DDX25: variants seen among roughly 807,000 people sequenced by gnomAD.
DDX25 encodes ATP-dependent RNA helicase DDX25.
Under a neutral mutation model 64.6 loss-of-function variants are expected in DDX25, and 70 were observed. The observed-to-expected ratio is 1.08, with a 90% CI of 0.89 to 1.32. The LOEUF is 1.32. Ranked by LOEUF, DDX25 falls within the 40% of genes most tolerant of loss-of-function variation. The pLI is 0.00. For synonymous variants in DDX25, 211 were observed against 213.3 expected (o/e 0.99, Z 0.09); for missense variants, 587 against 604.4 (o/e 0.97, Z 0.30).
At chr11:125,909,329 A>G (rs954364149) in intron 6 of DDX25, among the ~76,000 whole-genome samples, 6 of 152,230 alleles carry the variant, frequency 3.9e-5, no homozygotes, top group Admixed American at 1.3e-4. Flanking sequence ...GATATTATCA[A>G]TAAAAATTAT....
intron 7 of DDX25, 70 bp from the exon 8 acceptor site, chr11:125,911,241 A>C (rs1157503824): frequency 7.4e-7 from 1 of 1,354,698 alleles, no homozygotes; most frequent in Non-Finnish European, 9.7e-7. Flanking sequence ...TTTATATTGC[A>C]CTGCCCTGAA....
chr11:125,904,597 C>CCG lies in DDX25; in HGVS notation c.63+17_63+18insCG, dbSNP rs1944850500. 6.9e-7 allele frequency: 1 copy of CCG among 1,455,224 alleles called. No homozygotes were observed. Among genetic ancestry groups the CCG allele is most frequent in the Non-Finnish European group, 9.1e-7 (1 of 1,104,420 alleles). 90.1% of individuals were successfully genotyped at this position (1,455,224 alleles called of 1,614,324 possible). A position where few individuals can be genotyped will look rare whatever the true frequency, so the allele number is the denominator to read the frequency against. ...AACAGCCACGTAACCGCCACCGAGC[C>CCG]GGGGGGCCACAGCCGCGGGGGTGGA... On this transcript the variant is annotated intron_variant, in intron 1 of 11. Coordinates refer to ENST00000263576, the MANE Select transcript of DDX25 (RefSeq NM_013264.5).
At chr11:125,907,419 T>A (rs566284217) in intron 4 of DDX25, among the ~76,000 whole-genome samples, 2 of 152,056 alleles carry the variant, frequency 1.3e-5, no homozygotes, top group Non-Finnish European at 2.9e-5. Flanking sequence ...CCATCCTGGC[T>A]AACACAGTGA....
At chr11:125,911,714 C>T (rs1196277582) in intron 8 of DDX25, among the ~76,000 whole-genome samples, 1 of 152,228 alleles carries the variant, frequency 6.6e-6, no homozygotes, top group Non-Finnish European at 1.5e-5. Flanking sequence ...CTTTGCAACA[C>T]AGCTTACAGA....
chr11:125,926,450 C>T lies in DDX25; in HGVS notation c.*3569C>T, dbSNP rs76235181. On this transcript the variant is annotated 3_prime_UTR_variant, in exon 12 of 12. Coordinates refer to ENST00000263576, the MANE Select transcript of DDX25 (RefSeq NM_013264.5). ...TGTTCTATGCTACAGGGAATACGAA[C>T]TTTTTGCCCTAGAAAGCATCCAAGA... 2 of 152,282 alleles carry T rather than the reference C, an allele frequency of 1.3e-5. No homozygotes were observed. The highest frequency in any genetic ancestry group is 4.8e-5 in the African/African-American group (2 of 41,540). The allele number at this position is 152,282 out of a possible 1,614,324, so 9.4% of individuals were successfully genotyped here.
At position 125,906,177 on chromosome 11, in the gene DDX25, T is replaced by C. The variant is rs911934245; in HGVS notation, c.279T>C (p.Leu93=). ...TACAGAAGGATCCCAGCTCTCCACT[T>C]TACTCAGTAAAGACATTTGAAGAGC... ...EVLQKDPSSP[L]YSVKTFEELR... The change falls in exon 4 of 12, where the codon CTT becomes CTC. Residue 93 remains leucine, a synonymous_variant. Coordinates refer to ENST00000263576, the MANE Select transcript of DDX25 (RefSeq NM_013264.5). 3 of 1,550,668 alleles carry C rather than the reference T, an allele frequency of 1.9e-6. No homozygotes were observed. The highest frequency in any genetic ancestry group is 2.7e-5 in the African/African-American group (2 of 73,118).
Position 125,923,064 on chromosome 11 carries a change from T to C in DDX25, c.*183T>C. On this transcript the variant is annotated 3_prime_UTR_variant, in exon 12 of 12. Transcript: ENST00000263576. Reference sequence around the variant, plus strand: ...TTTGAAGCCAAATTGATGTGAAGCTTGTGATCCTTTTGAATAAAAAAAAGG... The same window carrying C: ...TTTGAAGCCAAATTGATGTGAAGCTCGTGATCCTTTTGAATAAAAAAAAGG... The C allele has an allele frequency of 1.7e-6, 1 of 574,232 alleles. No individual in the cohort carries two copies. The highest frequency in any genetic ancestry group is 3.1e-6 in the Non-Finnish European group (1 of 323,506). 35.6% of individuals were successfully genotyped at this position (574,232 alleles called of 1,614,324 possible). A position where few individuals can be genotyped will look rare whatever the true frequency, so the allele number is the denominator to read the frequency against.
intron 10 of DDX25, among the ~76,000 whole-genome samples, chr11:125,920,122 G>A (rs760273746): frequency 2.0e-5 from 3 of 152,156 alleles, no homozygotes; most frequent in Non-Finnish European, 2.9e-5. Flanking sequence ...GAAGTCTTCC[G>A]AGGCAGCCTT....
At position 125,907,409 on chromosome 11, in the gene DDX25, C is replaced by G. The variant is rs376850954; in HGVS notation, c.312-787C>G. 9.2e-5 allele frequency among the ~76,000 whole-genome samples: 14 copies of G among 152,240 alleles called. No individual in the cohort carries two copies. The South Asian group carries it at 1.9e-3, about 20-fold the overall frequency. On this transcript the variant is annotated intron_variant, in intron 4 of 11. Transcript: ENST00000263576. ...GGATCACGAGGTCAGGAGATCGAGACCATCCTGGCTAACACAGTGAAACCC... is the reference window on the plus strand; with the variant it reads ...GGATCACGAGGTCAGGAGATCGAGAGCATCCTGGCTAACACAGTGAAACCC...
chr11:125,915,244 T>TA (rs1375602944), intron 8 of DDX25, among the ~76,000 whole-genome samples: 1 of 152,204 alleles, frequency 6.6e-6, no homozygotes, highest in East Asian at 1.9e-4. Flanking sequence ...TAAAACAGGT[T>TA]AAACCAGTGA....
At chr11:125,904,827 G>A (rs1330087395) in intron 1 of DDX25, 3 of 576,706 alleles carry the variant, frequency 5.2e-6, no homozygotes, top group Non-Finnish European at 9.2e-6. Context: ...GGGTGGGAAC[G>A]CAGCTGGTAG....
In DDX25 at chr11:125,924,636, TA is replaced by T. The variant is rs1945152041; in HGVS notation, c.*1757del. On this transcript the variant is annotated 3_prime_UTR_variant, in exon 12 of 12. Transcript: ENST00000263576. Reference sequence around the variant, plus strand: ...GAAGTGTTCCAGACCCAGCTTACCATAATTACCTGGAGAGCCCGGGGAAAAA... The same window carrying T: ...GAAGTGTTCCAGACCCAGCTTACCATATTACCTGGAGAGCCCGGGGAAAAA... The T allele has an allele frequency of 6.6e-6, 1 of 152,162 alleles. No individual in the cohort carries two copies. Among genetic ancestry groups the T allele is most frequent in the African/African-American group, 2.4e-5 (1 of 41,424 alleles). The allele number at this position is 152,162 out of a possible 1,614,324, so 9.4% of individuals were successfully genotyped here.
At position 125,921,022 on chromosome 11, in the gene DDX25, A is replaced by G; in HGVS notation, c.1202-169A>G. ...GCTCATCTAGCATCATAGACATCACAGCATGCAAGCAAACTTCCTAACCAA... is the reference window on the plus strand; with the variant it reads ...GCTCATCTAGCATCATAGACATCACGGCATGCAAGCAAACTTCCTAACCAA... On this transcript the variant is annotated intron_variant, in intron 10 of 11. Transcript: ENST00000263576. The surrounding 1 kb of genome is among the most constrained non-coding windows in gnomAD (Gnocchi z 4.1). 6 of 632,080 alleles carry G rather than the reference A, an allele frequency of 9.5e-6. No homozygotes were observed. The highest frequency in any genetic ancestry group is 6.3e-5 in the South Asian group (3 of 47,280). 39.2% of individuals were successfully genotyped at this position (632,080 alleles called of 1,614,324 possible).
chr11:125,915,474 C>T (rs1050929630), intron 8 of DDX25, among the ~76,000 whole-genome samples: 2 of 152,136 alleles, frequency 1.3e-5, no homozygotes, highest in African/African-American at 4.8e-5. Context: ...ACAGAACAGC[C>T]ATGGTTTTCT....
rs1565470477 is a variant in DDX25, at chr11:125,925,443, TG to T, written c.*2563del. ...TTTGGTGAGTCAACAATCCAAAGGC[TG>T]TTTTTTGCAGGGTGCAGCTCCTGTC... On this transcript the variant is annotated 3_prime_UTR_variant, in exon 12 of 12. Coordinates refer to ENST00000263576, the MANE Select transcript of DDX25 (RefSeq NM_013264.5). The T allele has an allele frequency of 2.2e-6, 1 of 456,302 alleles. No individual in the cohort carries two copies. Among genetic ancestry groups the T allele is most frequent in the Non-Finnish European group, 4.4e-6 (1 of 226,972 alleles). The allele number at this position is 456,302 out of a possible 1,614,324, so 28.3% of individuals were successfully genotyped here. A position where few individuals can be genotyped will look rare whatever the true frequency, so the allele number is the denominator to read the frequency against.
chr11:125,915,612 A>G lies in DDX25; in HGVS notation c.801-1402A>G, dbSNP rs182027799. On this transcript the variant is annotated intron_variant, in intron 8 of 11. Transcript: ENST00000263576. ...AGCAAAATGGCCCAAGCCTTAGGAT[A>G]TAAATCCTTGTGCCATCTTTCTCCA... is the stretch of plus-strand genomic sequence containing the variant. Among the ~76,000 whole-genome samples the G allele has an allele frequency of 5.7e-3, 871 of 152,380 alleles. 14 individuals are homozygous for G. The highest frequency in any genetic ancestry group is 0.02 in the African/African-American group (827 of 41,594).
chr11:125,905,085 A>G, intron 1 of DDX25, 127 bp from the exon 2 acceptor site: 1 of 785,882 alleles, frequency 1.3e-6, no homozygotes, highest in Non-Finnish European at 2.1e-6. Context: ...GCTGCTACCT[A>G]ATATTGCAAA....
At chr11:125,916,352 C>T (rs1565466526) in intron 8 of DDX25, among the ~76,000 whole-genome samples, 2 of 152,216 alleles carry the variant, frequency 1.3e-5, no homozygotes, top group East Asian at 3.9e-4. Flanking sequence ...AAAATTTTAC[C>T]AGCACCCTAG....
rs191465600 is a variant in DDX25, at chr11:125,917,005, C to T, written c.801-9C>T. The T allele has an allele frequency of 5.7e-5, 90 of 1,578,364 alleles. No individual in the cohort carries two copies. In the African/African-American group the frequency reaches 1.0e-3, roughly 18 times the overall value. Reference sequence around the variant, plus strand: ...CAGCTTGGTGACAGCCTTCTCTCCTCTATCACAGAGCTCTACCCTCCGAAT... The same window carrying T: ...CAGCTTGGTGACAGCCTTCTCTCCTTTATCACAGAGCTCTACCCTCCGAAT... On this transcript the variant is annotated splice_polypyrimidine_tract_variant and intron_variant, in intron 8 of 11. Transcript: ENST00000263576.
Sources: allele counts gnomAD v4.1 joint callset (sites outside exome capture counted in the v4.1 genomes callset), GRCh38; gene constraint gnomAD v4.1.1; non-coding constraint Gnocchi (gnomAD v3.1); transcripts MANE v1.5; gene names NCBI Gene and HGNC (gene_info 2026-07-23, HGNC 2026-07-21).